The following ETS1 variants were observed in gnomAD, a reference collection of about 807,000 sequenced individuals.
ETS1 encodes ETS proto-oncogene 1, transcription factor.
A neutral mutation model predicts 58.6 loss-of-function variants in ETS1; 15 were observed. That is an observed-to-expected ratio of 0.26 (90% confidence interval 0.17 to 0.39). The LOEUF (loss-of-function observed/expected upper bound fraction) is 0.39, where lower values mean the gene tolerates loss of function less well. Among genes scored for constraint, ETS1 ranks in the 10% least tolerant of loss-of-function variants. ETS1 has a pLI of 1.00. For synonymous variants in ETS1, 214 were observed against 218.2 expected (o/e 0.98, Z 0.17); for missense variants, 417 against 610.5 (o/e 0.68, Z 3.34).
chr11:128,460,144 C>G lies in ETS1; in HGVS notation c.*2217G>C, dbSNP rs1217902508. On this transcript the variant is annotated 3_prime_UTR_variant, in exon 10 of 10. Transcript: ENST00000392668. ...ATTCACACACATGCACACATTCACA[C>G]ACACACCTTTTGCCAGTGCCCAACA... The G allele has an allele frequency of 2.0e-5, 3 of 152,742 alleles. No homozygotes were observed. Among genetic ancestry groups the G allele is most frequent in the Non-Finnish European group, 4.4e-5 (3 of 68,112 alleles). 9.5% of individuals were successfully genotyped at this position (152,742 alleles called of 1,614,324 possible). A position where few individuals can be genotyped will look rare whatever the true frequency, so the allele number is the denominator to read the frequency against.
chr11:128,557,954 G>A (rs755878573), intron 2 of ETS1, among the ~76,000 whole-genome samples: 2 of 152,116 alleles, frequency 1.3e-5, no homozygotes, highest in South Asian at 2.1e-4. Flanking sequence ...AATTTGCAAT[G>A]GCCCATTCAC....
chr11:128,577,934 G>T (rs1864786199), intron 1 of ETS1, among the ~76,000 whole-genome samples: 1 of 150,684 alleles, frequency 6.6e-6, no homozygotes, highest in Non-Finnish European at 1.5e-5. Flanking sequence ...AAAAAAGAGA[G>T]AGAGAGAGAA....
chr11:128,480,514 C>A, intron 7 of ETS1, 63 bp from the exon 8 acceptor site: 3 of 1,061,474 alleles, frequency 2.8e-6, no homozygotes, highest in South Asian at 1.4e-5. Context: ...AAAAAAAAAA[C>A]TGTAAAAACC....
chr11:128,504,136 G>A (rs1863164137), intron 3 of ETS1, among the ~76,000 whole-genome samples: 1 of 152,134 alleles, frequency 6.6e-6, no homozygotes, highest in Non-Finnish European at 1.5e-5. Flanking sequence ...GCTTTGAAGG[G>A]AGCATGCTTA....
chr11:128,485,921 A>C (rs1293712504), intron 6 of ETS1, 148 bp downstream of exon 6: 12 of 600,890 alleles, frequency 2.0e-5, no homozygotes, highest in Non-Finnish European at 3.6e-5. Context: ...TGTGGAAAAT[A>C]ATAAAATAAA....
intron 1 of ETS1, among the ~76,000 whole-genome samples, chr11:128,581,401 C>G (rs1289428996): frequency 1.3e-5 from 2 of 152,128 alleles, no homozygotes; most frequent in African/African-American, 4.8e-5. Flanking sequence ...GTGGCCATAG[C>G]CTGTGTACAA....
chr11:128,521,082 C>A (rs1163175229), intron 3 of ETS1, among the ~76,000 whole-genome samples: 1 of 151,712 alleles, frequency 6.6e-6, no homozygotes, highest in Non-Finnish European at 1.5e-5. Flanking sequence ...TTCAGAAATT[C>A]TGTAAGGCCA....
intron 3 of ETS1, among the ~76,000 whole-genome samples, chr11:128,491,591 A>C (rs1419060198): frequency 6.6e-6 from 1 of 152,268 alleles, no homozygotes; most frequent in Non-Finnish European, 1.5e-5. Flanking sequence ...ATCAGCATCA[A>C]CTACAAAAAG....
intron 8 of ETS1, among the ~76,000 whole-genome samples, chr11:128,472,862 A>C (rs1241803497): frequency 6.6e-6 from 1 of 152,082 alleles, no homozygotes; most frequent in South Asian, 2.1e-4. Context: ...TTTCCTTCAT[A>C]GATGCTCCTT....
chr11:128,552,270 G>A (rs1234091185), intron 3 of ETS1, among the ~76,000 whole-genome samples: 1 of 152,154 alleles, frequency 6.6e-6, no homozygotes, highest in African/African-American at 2.4e-5. Context: ...CTAAATAGAT[G>A]TCCTTTCTCA....
At chr11:128,584,190 A>T (rs528773224) in intron 1 of ETS1, among the ~76,000 whole-genome samples, 1 of 152,200 alleles carries the variant, frequency 6.6e-6, no homozygotes, top group Non-Finnish European at 1.5e-5. Flanking sequence ...GTCTTTCTTC[A>T]AAGTCAGTAT....
intron 1 of ETS1, among the ~76,000 whole-genome samples, chr11:128,574,569 G>A (rs1177966622): frequency 6.6e-6 from 1 of 152,140 alleles, no homozygotes; most frequent in African/African-American, 2.4e-5. Flanking sequence ...CTCAGTGTTT[G>A]TTTCCAAGAA....
At chr11:128,497,739 T>C (rs1862981121) in intron 3 of ETS1, 1 of 168,212 alleles carries the variant, frequency 5.9e-6, no homozygotes, top group South Asian at 2.0e-4. Context: ...ATGCACAAGC[T>C]ATTTTTAATC....
intron 3 of ETS1, chr11:128,522,255 G>T: frequency 8.6e-7 from 1 of 1,168,656 alleles, no homozygotes; most frequent in Non-Finnish European, 1.1e-6. Flanking sequence ...CCTCCTGCCC[G>T]GCCCTCGCCC....
rs954078348 is a variant in ETS1, at chr11:128,460,742, C to A, written c.*1619G>T. ...TGTTTGTATTTAAACCTTGGGGGAA[C>A]TAAAAATCTATTCAAATCTCATGGA... On this transcript the variant is annotated 3_prime_UTR_variant, in exon 10 of 10. Transcript: ENST00000392668. The A allele has an allele frequency of 6.6e-6, 1 of 152,296 alleles. No homozygotes were observed. Among genetic ancestry groups the A allele is most frequent in the Admixed American group, 6.5e-5 (1 of 15,282 alleles). 9.4% of individuals were successfully genotyped at this position (152,296 alleles called of 1,614,324 possible). A position where few individuals can be genotyped will look rare whatever the true frequency, so the allele number is the denominator to read the frequency against.
chr11:128,537,665 A>T (rs139421514), intron 3 of ETS1, among the ~76,000 whole-genome samples: 3 of 152,296 alleles, frequency 2.0e-5, no homozygotes, highest in Non-Finnish European at 4.4e-5. Flanking sequence ...CCTACTAAAT[A>T]AGAGCAGCTG....
rs117399419 is a variant in ETS1, at chr11:128,541,843, G to A, written c.214+14448C>T. ...GACAAAACAATGATTGCAATATGGT[G>A]CAATGATCTCTACAATACAGGTATT... On this transcript the variant is annotated intron_variant, in intron 3 of 9. Transcript: ENST00000392668. Among the ~76,000 whole-genome samples, 86 of 152,256 alleles carry A rather than the reference G, an allele frequency of 5.6e-4. No homozygotes were observed. The East Asian group carries it at 0.017, about 29-fold the overall frequency.
At chr11:128,479,345 C>T (rs1441150669) in intron 8 of ETS1, among the ~76,000 whole-genome samples, 4 of 152,204 alleles carry the variant, frequency 2.6e-5, no homozygotes, top group Non-Finnish European at 5.9e-5. Context: ...TTAAAATAAG[C>T]TCTACTCACA....
chr11:128,546,232 G>A (rs1437291848), intron 3 of ETS1, among the ~76,000 whole-genome samples: 1 of 152,274 alleles, frequency 6.6e-6, no homozygotes, highest in Non-Finnish European at 1.5e-5. Context: ...AAGTGAGTTT[G>A]TAGCAGTAGA....
Sources: allele counts gnomAD v4.1 joint callset (sites outside exome capture counted in the v4.1 genomes callset), GRCh38; gene constraint gnomAD v4.1.1; transcripts MANE v1.5; gene names NCBI Gene and HGNC (gene_info 2026-07-23, HGNC 2026-07-21).